DTNA: variants seen among roughly 807,000 people sequenced by gnomAD.
DTNA encodes dystrophin-related protein 3.
DTNA carries 43 observed loss-of-function variants against 100.7 expected under a neutral mutation model. That is an observed-to-expected ratio of 0.43 (90% CI 0.33 to 0.55). The LOEUF (loss-of-function observed/expected upper bound fraction) is 0.55, where lower values mean the gene tolerates loss of function less well. DTNA is among the 20% of genes least tolerant of loss of function. The probability of loss-of-function intolerance (pLI) is 0.04; values close to 1 mark genes in which losing one functional copy is unlikely to be tolerated. For missense variants in DTNA, 798 were observed against 953.9 expected, an observed-to-expected ratio of 0.84 and a Z score of 2.15; for synonymous variants, 349 against 347.9, an observed-to-expected ratio of 1.00 and a Z score of -0.04.
chr18:34,566,485 A>G (rs931456898), intron 1 of DTNA, among the ~76,000 whole-genome samples: 1 of 152,214 alleles, frequency 6.6e-6, no homozygotes, highest in Non-Finnish European at 1.5e-5. Flanking sequence ...CCTTCCCTTC[A>G]TAACACCCAA....
chr18:34,588,044 C>T lies in DTNA; in HGVS notation c.-2+94530C>T, dbSNP rs899286825. 2.0e-5 allele frequency among the ~76,000 whole-genome samples: 3 copies of T among 152,044 alleles called. 1 individual carries two copies. Among genetic ancestry groups the T allele is most frequent in the Middle Eastern group, 3.2e-3 (1 of 316 alleles). The stretch of plus-strand genomic sequence containing the variant: ...AAATGATCCAGAAAGTTTGTATAGA[C>T]GAGTAAAACTGATTTCTTACCCTAT... On this transcript the variant is annotated intron_variant, in intron 1 of 19. Coordinates refer to the DTNA transcript ENST00000283365.
intron 1 of DTNA, among the ~76,000 whole-genome samples, chr18:34,749,844 A>G (rs567860837): frequency 3.9e-4 from 60 of 152,280 alleles, no homozygotes; most frequent in Non-Finnish European, 7.4e-4. Context: ...AATTTGCCTC[A>G]GGAAAGAGCT....
intron 1 of DTNA, among the ~76,000 whole-genome samples, chr18:34,672,366 TA>T (rs2076874138): frequency 6.6e-6 from 1 of 152,200 alleles, no homozygotes; most frequent in Non-Finnish European, 1.5e-5. Flanking sequence ...CTGTATTTTT[TA>T]AAAAGATACA....
intron 1 of DTNA, among the ~76,000 whole-genome samples, chr18:34,750,187 C>T (rs543701494): frequency 2.0e-5 from 3 of 152,298 alleles, no homozygotes; most frequent in South Asian, 2.1e-4. Flanking sequence ...CAGAGCCAGA[C>T]GTTTCCAAAA....
chr18:34,840,519 T>C (rs961955114), intron 13 of DTNA, among the ~76,000 whole-genome samples: 1 of 152,204 alleles, frequency 6.6e-6, no homozygotes, highest in Admixed American at 6.5e-5. Context: ...ACTGCTCTTC[T>C]TTGACCTTTT....
chr18:34,711,331 C>A (rs910258221), intron 1 of DTNA, among the ~76,000 whole-genome samples: 1 of 149,474 alleles, frequency 6.7e-6, no homozygotes, highest in Middle Eastern at 3.4e-3. Context: ...TTTTTCATGG[C>A]TTTTACTGAT....
At chr18:34,557,703 A>C (rs2046224482) in intron 1 of DTNA, among the ~76,000 whole-genome samples, 1 of 151,462 alleles carries the variant, frequency 6.6e-6, no homozygotes, top group Non-Finnish European at 1.5e-5. Flanking sequence ...TCAGGGACCC[A>C]CTTGAGGAGG....
chr18:34,812,133 A>G lies in DTNA; in HGVS notation c.603+20A>G, dbSNP rs371565552. 21 of 1,613,830 alleles carry G rather than the reference A, an allele frequency of 1.3e-5. No individual in the cohort carries two copies. The highest frequency in any genetic ancestry group is 1.7e-5 in the Non-Finnish European group (20 of 1,179,832). ...CAACAGGTAGGAGAAAAATATGTTT[A>G]AGGAAGTATCTCTTTCAAACAGTGG... On this transcript the variant is annotated intron_variant, in intron 6 of 22. Transcript: ENST00000444659.
intron 21 of DTNA, among the ~76,000 whole-genome samples, chr18:34,883,872 G>A (rs571632133): frequency 6.6e-6 from 1 of 152,126 alleles, no homozygotes; most frequent in African/African-American, 2.4e-5. Flanking sequence ...CTAAAATGTT[G>A]GTCTAGCCAT....
intron 1 of DTNA, among the ~76,000 whole-genome samples, chr18:34,735,570 T>G (rs1031881761): frequency 1.3e-5 from 2 of 152,198 alleles, no homozygotes; most frequent in African/African-American, 4.8e-5. Context: ...TTACCATTAG[T>G]TCATGTGGCT....
chr18:34,746,124 C>T (rs1000314924), intron 1 of DTNA, among the ~76,000 whole-genome samples: 5 of 150,582 alleles, frequency 3.3e-5, no homozygotes, highest in African/African-American at 1.2e-4. Flanking sequence ...TTCAAAAATT[C>T]AATTACAAAA....
chr18:34,794,326 A>G (rs921283660), intron 4 of DTNA, 76 bp downstream of exon 4: 12 of 1,535,736 alleles, frequency 7.8e-6, no homozygotes, highest in Non-Finnish European at 6.3e-6. Context: ...CTTTTTCCCA[A>G]ACAATTTTAT....
chr18:34,627,805 G>A (rs2057531184), intron 1 of DTNA, among the ~76,000 whole-genome samples: 1 of 151,952 alleles, frequency 6.6e-6, no homozygotes, highest in Non-Finnish European at 1.5e-5. Context: ...GCTAAGTCTG[G>A]GCAAAATATG....
chr18:34,805,116 A>G lies in DTNA; in HGVS notation c.363-1103A>G, dbSNP rs1038412313. ...CTTAAGATTAGCAACTATCAAATAA[A>G]TGAATTACTAATATGATACAGTTTC... On this transcript the variant is annotated intron_variant, in intron 4 of 22. Transcript: ENST00000444659. 2.0e-5 allele frequency among the ~76,000 whole-genome samples: 3 copies of G among 152,354 alleles called. No individual in the cohort carries two copies. In the East Asian group the frequency reaches 5.8e-4, roughly 29 times the overall value.
intron 1 of DTNA, among the ~76,000 whole-genome samples, chr18:34,577,938 T>G (rs2048268803): frequency 6.6e-6 from 1 of 151,998 alleles, no homozygotes; most frequent in Non-Finnish European, 1.5e-5. Context: ...CAAGTTTTTT[T>G]TTTTTTTTTG....
chr18:34,652,263 G>A (rs955841233), intron 1 of DTNA, among the ~76,000 whole-genome samples: 1 of 152,100 alleles, frequency 6.6e-6, no homozygotes, highest in Non-Finnish European at 1.5e-5. Flanking sequence ...ACACTTGGAG[G>A]TGAAAGAAAA....
intron 15 of DTNA, among the ~76,000 whole-genome samples, chr18:34,852,221 C>T (rs566815397): frequency 1.8e-4 from 27 of 152,100 alleles, no homozygotes; most frequent in Non-Finnish European, 3.1e-4. Context: ...TAATTTTGTT[C>T]AAGAGCTTCT....
At chr18:34,651,473 A>G (rs2060436521) in intron 1 of DTNA, among the ~76,000 whole-genome samples, 1 of 152,134 alleles carries the variant, frequency 6.6e-6, no homozygotes, top group Non-Finnish European at 1.5e-5. Flanking sequence ...TCCTCATTCA[A>G]TAATAGAGGA....
intron 1 of DTNA, among the ~76,000 whole-genome samples, chr18:34,526,207 CAAAT>C (rs886448511): frequency 2.6e-5 from 4 of 152,108 alleles, no homozygotes; most frequent in African/African-American, 9.7e-5. Flanking sequence ...TTGTTTCACT[CAAAT>C]GAAGTGGGAG....
Sources: allele counts gnomAD v4.1 joint callset (sites outside exome capture counted in the v4.1 genomes callset), GRCh38; gene constraint gnomAD v4.1.1; transcripts MANE v1.5; gene names NCBI Gene and HGNC (gene_info 2026-07-23, HGNC 2026-07-21).